Variants in AUTS2 observed in about 807,000 individuals in gnomAD.
AUTS2 encodes autism susceptibility gene 2 protein.
A neutral mutation model predicts 112.4 loss-of-function variants in AUTS2; 17 were observed. The ratio of observed to expected loss-of-function variants is 0.15; its 90% CI spans 0.10 to 0.23. AUTS2 has a LOEUF of 0.23. AUTS2 is among the 10% of genes least tolerant of loss of function. The pLI, the probability that AUTS2 is intolerant of heterozygous loss-of-function variation, is 1.00. For missense variants in AUTS2, 1,510 were observed against 1,701.6 expected (o/e 0.89, Z 1.98); for synonymous variants, 751 against 702.7 (o/e 1.07, Z -1.09).
chr7:70,485,880 G>A (rs1797974816), intron 5 of AUTS2, among the ~76,000 whole-genome samples: 1 of 152,060 alleles, frequency 6.6e-6, no homozygotes, highest in South Asian at 2.1e-4. Context: ...CCTCCAGGAA[G>A]GAGACCTGAA....
At chr7:70,771,352 T>G in intron 10 of AUTS2, 197 bp from the exon 11 acceptor site, 1 of 441,188 alleles carries the variant, frequency 2.3e-6, no homozygotes. Context: ...TGATTGATCC[T>G]GAACTACTTT....
At position 69,599,543 on chromosome 7, in the gene AUTS2, G is replaced by C; in HGVS notation, c.-111G>C. The C allele has an allele frequency of 9.4e-7, 1 of 1,058,918 alleles. No individual in the cohort carries two copies. Among genetic ancestry groups the C allele is most frequent in the Non-Finnish European group, 1.2e-6 (1 of 835,578 alleles). The allele number at this position is 1,058,918 out of a possible 1,614,324, so 65.6% of individuals were successfully genotyped here. A position where few individuals can be genotyped will look rare whatever the true frequency, so the allele number is the denominator to read the frequency against. On this transcript the variant is annotated 5_prime_UTR_variant, in exon 1 of 19. Transcript: ENST00000342771. This position sits in a 1 kb window ranked among gnomAD's most constrained non-coding sequence, Gnocchi z 7.0. Reference sequence around the variant, plus strand: ...GCCGTCTCCCCCGCGCCCTCCTCGGGGCGGAGGGAAGCCGTGAAGGGGGAG... The same window carrying C: ...GCCGTCTCCCCCGCGCCCTCCTCGGCGCGGAGGGAAGCCGTGAAGGGGGAG...
chr7:69,760,815 G>A (rs1004301938), intron 1 of AUTS2, among the ~76,000 whole-genome samples: 2 of 152,066 alleles, frequency 1.3e-5, no homozygotes, highest in Non-Finnish European at 2.9e-5. Context: ...GCAAGACTCC[G>A]TCTCAAAAAA....
At chr7:70,171,950 T>C (rs951101493) in intron 4 of AUTS2, among the ~76,000 whole-genome samples, 2 of 152,102 alleles carry the variant, frequency 1.3e-5, no homozygotes, top group Admixed American at 1.3e-4. Context: ...GTCAGAGCTT[T>C]TTAAGACGAA....
chr7:70,118,108 T>C lies in AUTS2; in HGVS notation c.523-24T>C, dbSNP rs775511255. The C allele has an allele frequency of 1.0e-4, 157 of 1,571,400 alleles. 3 individuals carry two copies. The South Asian group carries it at 1.8e-3, about 18-fold the overall frequency. Reference sequence around the variant, plus strand: ...GAAGCAGACCACTAACTTTTTCCTTTTTTCTCTTTTCTTTTGCCTTTAGCT... The same window carrying C: ...GAAGCAGACCACTAACTTTTTCCTTCTTTCTCTTTTCTTTTGCCTTTAGCT... On this transcript the variant is annotated intron_variant, in intron 2 of 18. Coordinates refer to ENST00000342771, the MANE Select transcript of AUTS2 (RefSeq NM_015570.4).
intron 5 of AUTS2, among the ~76,000 whole-genome samples, chr7:70,517,712 A>G (rs1799475254): frequency 1.3e-5 from 2 of 151,764 alleles, no homozygotes; most frequent in Admixed American, 6.6e-5. Context: ...ATATACACAT[A>G]CATAGTTTGC....
intron 5 of AUTS2, among the ~76,000 whole-genome samples, chr7:70,642,533 CAACCAGGTGTA>C (rs1032370222): frequency 1.0e-3 from 85 of 83,906 alleles, no homozygotes; most frequent in Middle Eastern, 6.3e-3. Context: ...ATTGTGTCCT[CAACCAGGTGTA>C]AAGTCTTAGA....
intron 1 of AUTS2, among the ~76,000 whole-genome samples, chr7:69,670,230 A>G (rs554335623): frequency 1.3e-5 from 2 of 152,288 alleles, no homozygotes; most frequent in Non-Finnish European, 2.9e-5. Flanking sequence ...AGCATGACAG[A>G]GAATGGGCTG....
At chr7:69,823,986 A>G (rs572777327) in intron 1 of AUTS2, among the ~76,000 whole-genome samples, 3 of 152,170 alleles carry the variant, frequency 2.0e-5, no homozygotes, top group Admixed American at 6.5e-5. Context: ...TCTTTGCCTC[A>G]GTTTTTTCAT....
chr7:70,640,691 G>A (rs529502540), intron 5 of AUTS2, among the ~76,000 whole-genome samples: 1 of 152,236 alleles, frequency 6.6e-6, no homozygotes, highest in East Asian at 1.9e-4. Flanking sequence ...CCTTGGCTAG[G>A]AGTGTGGGCC....
intron 6 of AUTS2, among the ~76,000 whole-genome samples, chr7:70,759,454 A>G (rs1789419441): frequency 6.6e-6 from 1 of 152,182 alleles, no homozygotes; most frequent in Admixed American, 6.5e-5. Flanking sequence ...TGGAATCTGG[A>G]TGGGGATTCT....
chr7:70,593,759 G>A (rs1359820561), intron 5 of AUTS2, among the ~76,000 whole-genome samples: 1 of 152,186 alleles, frequency 6.6e-6, no homozygotes, highest in Non-Finnish European at 1.5e-5. Context: ...AGTCCCCTTG[G>A]TGGGACCGGG....
intron 4 of AUTS2, among the ~76,000 whole-genome samples, chr7:70,241,178 A>G (rs1251883125): frequency 1.3e-5 from 2 of 152,174 alleles, no homozygotes; most frequent in Non-Finnish European, 2.9e-5. Flanking sequence ...AAATGATATC[A>G]TTATCAACAT....
intron 5 of AUTS2, among the ~76,000 whole-genome samples, chr7:70,507,468 C>G (rs1799011081): frequency 6.6e-6 from 1 of 152,030 alleles, no homozygotes; most frequent in Non-Finnish European, 1.5e-5. Context: ...ATGACAACAG[C>G]TGGCTTTTTT....
At position 69,817,759 on chromosome 7, in the gene AUTS2, G is replaced by A. The variant is rs116124561; in HGVS notation, c.310-81527G>A. 2.9e-3 allele frequency among the ~76,000 whole-genome samples: 445 copies of A among 152,292 alleles called. 5 individuals are homozygous for A. Among genetic ancestry groups the A allele is most frequent in the African/African-American group, 0.01 (431 of 41,564 alleles). ...TGGGTGGCGGGACAGCCCTGCCCGG[G>A]GATGTGGGTGGTCCAGGAGGCAGGT... On this transcript the variant is annotated intron_variant, in intron 1 of 18. Coordinates refer to ENST00000342771, the MANE Select transcript of AUTS2 (RefSeq NM_015570.4).
At chr7:69,906,750 G>T (rs1795164577) in intron 2 of AUTS2, among the ~76,000 whole-genome samples, 1 of 152,132 alleles carries the variant, frequency 6.6e-6, no homozygotes, top group Non-Finnish European at 1.5e-5. Flanking sequence ...GGTGCATTTG[G>T]AGATTCAGTT....
chr7:70,453,233 CAAT>C (rs1287120136), intron 5 of AUTS2, among the ~76,000 whole-genome samples: 1 of 152,154 alleles, frequency 6.6e-6, no homozygotes, highest in Non-Finnish European at 1.5e-5. Context: ...GCCAATGAAA[CAAT>C]GATGGGAATT....
At chr7:69,927,203 T>TATATATATATATAC (rs1554406162) in intron 2 of AUTS2, among the ~76,000 whole-genome samples, 1 of 147,726 alleles carries the variant, frequency 6.8e-6, no homozygotes, top group East Asian at 1.9e-4. Context: ...TATATATATA[T>TATATATATATATAC]ATACATACTA....
chr7:70,440,227 A>G (rs979710503), intron 5 of AUTS2, among the ~76,000 whole-genome samples: 5 of 113,026 alleles, frequency 4.4e-5, no homozygotes, highest in Non-Finnish European at 6.9e-5. Context: ...CCCTGTCTCT[A>G]AAAAAAAAAA....
Sources: allele counts gnomAD v4.1 joint callset (sites outside exome capture counted in the v4.1 genomes callset), GRCh38; gene constraint gnomAD v4.1.1; non-coding constraint Gnocchi (gnomAD v3.1); transcripts MANE v1.5; gene names NCBI Gene and HGNC (gene_info 2026-07-23, HGNC 2026-07-21).